Variants in DOK5 observed in about 807,000 individuals in gnomAD.
DOK5 encodes downstream of tyrosine kinase 5.
In DOK5, 27 loss-of-function variants were observed where a neutral mutation model predicts 43.3. That is an observed-to-expected ratio of 0.62 (90% CI 0.46 to 0.86). The LOEUF (loss-of-function observed/expected upper bound fraction) is 0.86, where lower values mean the gene tolerates loss of function less well. DOK5 is among the 40% of genes least tolerant of loss of function. The probability of loss-of-function intolerance (pLI) is 0.00; values close to 1 mark genes in which losing one functional copy is unlikely to be tolerated. For synonymous variants in DOK5, 146 were observed against 140.1 expected (o/e 1.04, Z -0.30); for missense variants, 373 against 392.9 (o/e 0.95, Z 0.43).
At chr20:54,487,819 T>C (rs1257768752) in intron 1 of DOK5, among the ~76,000 whole-genome samples, 1 of 152,166 alleles carries the variant, frequency 6.6e-6, no homozygotes. Context: ...CCCAAGCCCT[T>C]ATTTTTTCTT....
At chr20:54,560,677 A>G (rs1216416033) in intron 2 of DOK5, among the ~76,000 whole-genome samples, 2 of 152,008 alleles carry the variant, frequency 1.3e-5, no homozygotes, top group African/African-American at 4.8e-5. Context: ...CTGGAGCGCA[A>G]TGGCACGATC....
chr20:54,491,884 G>A (rs1012504735), intron 1 of DOK5, among the ~76,000 whole-genome samples: 2 of 151,482 alleles, frequency 1.3e-5, no homozygotes, highest in African/African-American at 4.9e-5. Flanking sequence ...TCTCATATTA[G>A]AAAAAGCAGA....
intron 1 of DOK5, among the ~76,000 whole-genome samples, chr20:54,514,586 CTTTTTTTTT>C (rs199776939): frequency 9.9e-6 from 1 of 100,968 alleles, no homozygotes; most frequent in African/African-American, 4.1e-5. Flanking sequence ...AAGTTTTACT[CTTTTTTTTT>C]TTTTTTTTTT....
At position 54,490,372 on chromosome 20, in the gene DOK5, TAAATTTAATC is replaced by T. The variant is rs531825433; in HGVS notation, c.66+14362_66+14371del. 1.4e-3 allele frequency among the ~76,000 whole-genome samples: 215 copies of T among 152,324 alleles called. 3 individuals carry two copies. The highest frequency in any genetic ancestry group is 0.012 in the East Asian group (62 of 5,190). ...CATACGTATATACATACATATATTT[TAAATTTAATC>T]AGATAAATACATATTCATTAATACA... On this transcript the variant is annotated intron_variant, in intron 1 of 7. Transcript: ENST00000262593.
chr20:54,609,530 TAC>T (rs1390615595), intron 5 of DOK5, among the ~76,000 whole-genome samples: 2 of 151,790 alleles, frequency 1.3e-5, no homozygotes, highest in East Asian at 1.9e-4. Context: ...ATAGCATATA[TAC>T]ACACACACTA....
intron 2 of DOK5, among the ~76,000 whole-genome samples, chr20:54,581,248 G>A (rs564848785): frequency 6.6e-6 from 1 of 151,928 alleles, no homozygotes; most frequent in African/African-American, 2.4e-5. Flanking sequence ...TTGCCTATGT[G>A]CCAGTACCAT....
At chr20:54,649,946 C>A (rs1286221308) in intron 7 of DOK5, among the ~76,000 whole-genome samples, 1 of 152,140 alleles carries the variant, frequency 6.6e-6, no homozygotes, top group Non-Finnish European at 1.5e-5. Context: ...GTGTTGCCTT[C>A]TTGACTTTTT....
intron 2 of DOK5, among the ~76,000 whole-genome samples, chr20:54,585,491 A>G (rs1159521425): frequency 6.6e-6 from 1 of 151,984 alleles, no homozygotes; most frequent in African/African-American, 2.4e-5. Context: ...GGGGTGGACT[A>G]CTCTTACATA....
At chr20:54,607,339 T>C (rs1434509089) in intron 5 of DOK5, among the ~76,000 whole-genome samples, 1 of 152,040 alleles carries the variant, frequency 6.6e-6, no homozygotes, top group Non-Finnish European at 1.5e-5. Context: ...GCATTCACGT[T>C]CTCTGCCTGA....
chr20:54,609,483 T>A (rs1172329731), intron 5 of DOK5, among the ~76,000 whole-genome samples: 2 of 151,812 alleles, frequency 1.3e-5, no homozygotes, highest in Non-Finnish European at 2.9e-5. Context: ...TATATCTTAG[T>A]GTAGTTTTAT....
chr20:54,565,578 A>G (rs1056428040), intron 2 of DOK5, among the ~76,000 whole-genome samples: 1 of 152,204 alleles, frequency 6.6e-6, no homozygotes. Flanking sequence ...CAGCCTGAGC[A>G]GCATAGTCTC....
At chr20:54,553,270 A>G (rs1984591991) in intron 1 of DOK5, among the ~76,000 whole-genome samples, 1 of 152,072 alleles carries the variant, frequency 6.6e-6, no homozygotes, top group Non-Finnish European at 1.5e-5. Context: ...ATCTCGGCTC[A>G]CTGCAAGCTC....
At chr20:54,485,528 A>C (rs60117291) in intron 1 of DOK5, among the ~76,000 whole-genome samples, 1,905 of 152,168 alleles carry the variant, frequency 0.013, 33 homozygotes, top group African/African-American at 0.043. Context: ...TACAATAGGT[A>C]CCGTAGTTTG....
chr20:54,506,705 C>A (rs1292195695), intron 1 of DOK5, among the ~76,000 whole-genome samples: 3 of 152,200 alleles, frequency 2.0e-5, no homozygotes, highest in Non-Finnish European at 4.4e-5. Context: ...AAGTGATCCT[C>A]CCTCCTTGGC....
At chr20:54,549,583 A>T (rs6098071) in intron 1 of DOK5, among the ~76,000 whole-genome samples, 3,087 of 152,282 alleles carry the variant, frequency 0.02, 104 homozygotes, top group African/African-American at 0.07. Flanking sequence ...TCAAAAATGG[A>T]AATCATTAGG....
intron 1 of DOK5, among the ~76,000 whole-genome samples, chr20:54,490,858 G>C (rs780931419): frequency 8.5e-5 from 13 of 152,226 alleles, no homozygotes; most frequent in Non-Finnish European, 1.8e-4. Flanking sequence ...AAAGTGCTGG[G>C]ATTACAGGCG....
rs190122340 is a variant in DOK5 at position 54,621,608 on chromosome 20, G to A, written c.735+11085G>A. On this transcript the variant is annotated intron_variant, in intron 6 of 7. Coordinates refer to ENST00000262593, the MANE Select transcript of DOK5 (RefSeq NM_018431.5). ...GGAGGCTGAGGCAGGAGAATCGCTT[G>A]AACCCGGAAAGTGGAGGTTGCAGTG... 1.3e-3 allele frequency among the ~76,000 whole-genome samples: 193 copies of A among 151,640 alleles called. 2 individuals are homozygous for A. Among genetic ancestry groups the A allele is most frequent in the South Asian group, 4.0e-3 (19 of 4,786 alleles).
intron 1 of DOK5, among the ~76,000 whole-genome samples, chr20:54,517,014 G>A (rs1983219652): frequency 6.6e-6 from 1 of 151,996 alleles, no homozygotes; most frequent in South Asian, 2.1e-4. Flanking sequence ...AACATATCTC[G>A]GGTTGATGTT....
At chr20:54,628,594 A>G (rs1056510293) in intron 6 of DOK5, among the ~76,000 whole-genome samples, 1 of 152,262 alleles carries the variant, frequency 6.6e-6, no homozygotes, top group South Asian at 2.1e-4. Flanking sequence ...CCCCACGATT[A>G]TCACAAAACT....
Sources: gnomAD v4.1 joint callset for allele counts (sites outside exome capture counted in the v4.1 genomes callset) on GRCh38, gnomAD v4.1.1 for gene constraint, MANE v1.5 for transcripts, NCBI Gene and HGNC (gene_info 2026-07-23, HGNC 2026-07-21) for gene names.